The following GSK3B variants were observed in gnomAD, a reference collection of about 807,000 sequenced individuals.
GSK3B encodes the protein glycogen synthase kinase 3 beta.
GSK3B carries 15 observed loss-of-function variants against 56.4 expected under a neutral mutation model. That is an observed-to-expected ratio of 0.27 (90% CI 0.18 to 0.41). The LOEUF is 0.41. GSK3B is among the 10% of genes least tolerant of loss of function. The pLI is 1.00. For missense variants in GSK3B, 300 were observed against 513.4 expected, an observed-to-expected ratio of 0.58 and a Z score of 4.02; for synonymous variants, 181 against 188.9, an observed-to-expected ratio of 0.96 and a Z score of 0.34.
intron 10 of GSK3B, among the ~76,000 whole-genome samples, chr3:119,829,903 TATAA>T (rs1372105432): frequency 6.6e-6 from 1 of 152,354 alleles, no homozygotes; most frequent in African/African-American, 2.4e-5. Flanking sequence ...TTATTTTGAT[TATAA>T]ATATCTTTGA....
chr3:119,887,358 A>T (rs1576175309), intron 7 of GSK3B, among the ~76,000 whole-genome samples: 1 of 152,156 alleles, frequency 6.6e-6, no homozygotes, highest in East Asian at 1.9e-4. Context: ...ATCAAAAGTC[A>T]GTCAACAGAC....
intron 1 of GSK3B, among the ~76,000 whole-genome samples, chr3:120,050,831 T>C (rs1331737083): frequency 6.6e-6 from 1 of 152,204 alleles, no homozygotes; most frequent in Non-Finnish European, 1.5e-5. Context: ...AGAATTAATA[T>C]CTAGTTTTTC....
intron 2 of GSK3B, among the ~76,000 whole-genome samples, chr3:120,001,794 C>G (rs1429394302): frequency 6.6e-6 from 1 of 152,104 alleles, no homozygotes; most frequent in Non-Finnish European, 1.5e-5. Context: ...TTTAACTTAC[C>G]TTTCACAGGA....
chr3:120,029,270 T>C lies in GSK3B; in HGVS notation c.89-27031A>G, dbSNP rs2057955443. ...TATCACAGCTGCAAATGAATGTCTT[T>C]GTATTCTGTTTATAGAGAGTACCTT... is the stretch of plus-strand genomic sequence containing the variant. On this transcript the variant is annotated intron_variant, in intron 1 of 10. Coordinates refer to ENST00000264235, the MANE Select transcript of GSK3B (RefSeq NM_001146156.2). The C allele has an allele frequency of 6.8e-6, 5 of 732,384 alleles. No homozygotes were observed. The Admixed American group carries it at 9.0e-5, about 13-fold the overall frequency. 45.4% of individuals were successfully genotyped at this position (732,384 alleles called of 1,614,324 possible).
intron 9 of GSK3B, among the ~76,000 whole-genome samples, chr3:119,857,711 T>C (rs754254311): frequency 2.6e-5 from 4 of 152,246 alleles, no homozygotes; most frequent in Non-Finnish European, 5.9e-5. Flanking sequence ...ATGTTCCGAA[T>C]GACATCTAGA....
intron 1 of GSK3B, among the ~76,000 whole-genome samples, chr3:120,075,633 G>T (rs753499644): frequency 1.1e-4 from 16 of 152,026 alleles, no homozygotes; most frequent in African/African-American, 2.4e-5. Context: ...CCCCATTTGT[G>T]TTAGTATCAA....
Position 119,927,920 on chromosome 3 carries a change from A to G in GSK3B, c.367-4437T>C, listed in dbSNP as rs77915953. Among the ~76,000 whole-genome samples, 215 of 152,356 alleles carry G rather than the reference A, an allele frequency of 1.4e-3. 1 individual carries two copies. The highest frequency in any genetic ancestry group is 8.5e-3 in the East Asian group (44 of 5,184). On this transcript the variant is annotated intron_variant, in intron 3 of 10. Coordinates refer to ENST00000264235, the MANE Select transcript of GSK3B (RefSeq NM_001146156.2). ...TCGACAATTCAAAGTGGAAATTTCT[A>G]TAAGGGTGAGAGGTGAAACTGTGAA...
chr3:119,945,972 A>G (rs2057096045), intron 3 of GSK3B, among the ~76,000 whole-genome samples: 6 of 152,116 alleles, frequency 3.9e-5, no homozygotes. Flanking sequence ...AAGCAAACAC[A>G]TGCCAAAACA....
intron 4 of GSK3B, among the ~76,000 whole-genome samples, chr3:119,922,003 C>T (rs949218127): frequency 1.6e-4 from 25 of 151,742 alleles, no homozygotes; most frequent in African/African-American, 5.6e-4. Flanking sequence ...TGGGCATGGT[C>T]GCGTGTGCCT....
rs115723352 is a variant in GSK3B at position 119,857,883 on chromosome 3, G to A, written c.1096+5536C>T. The stretch of plus-strand genomic sequence containing the variant: ...TCCATGGGCTGCAGAAATGGATGCT[G>A]TGTCAGTAGGCATGAAAACAACATT... On this transcript the variant is annotated intron_variant, in intron 9 of 10. Transcript: ENST00000264235. Among the ~76,000 whole-genome samples, 419 of 152,314 alleles carry A rather than the reference G, an allele frequency of 2.8e-3. 1 individual carries two copies. Among genetic ancestry groups the A allele is most frequent in the Non-Finnish European group, 4.5e-3 (305 of 68,038 alleles).
At chr3:119,844,577 T>C (rs1158325322) in intron 9 of GSK3B, among the ~76,000 whole-genome samples, 1 of 152,140 alleles carries the variant, frequency 6.6e-6, no homozygotes, top group Admixed American at 6.5e-5. Context: ...CTAGAAAATC[T>C]AGAAGAAATG....
chr3:119,834,316 T>C (rs2108002105), intron 10 of GSK3B, among the ~76,000 whole-genome samples: 1 of 152,326 alleles, frequency 6.6e-6, no homozygotes, highest in South Asian at 2.1e-4. Context: ...AATCAAAGTA[T>C]ACCCTAAACT....
At position 120,094,188 on chromosome 3, in the gene GSK3B, A is replaced by G. The variant is rs890962863; in HGVS notation, c.-754T>C. The G allele has an allele frequency of 1.8e-5, 4 of 226,628 alleles. No homozygotes were observed. The highest frequency in any genetic ancestry group is 3.5e-5 in the Non-Finnish European group (4 of 112,984). 14.0% of individuals were successfully genotyped at this position (226,628 alleles called of 1,614,324 possible). ...CGACTGTTCCCCATTCGCCGGGGAC[A>G]TGGGAACCCGGCAACCGCTTCCGTC... On this transcript the variant is annotated 5_prime_UTR_variant, in exon 1 of 11. It removes an upstream start codon present in the reference 5' UTR. Coordinates refer to ENST00000264235, the MANE Select transcript of GSK3B (RefSeq NM_001146156.2).
At chr3:119,952,527 A>G (rs1325098475) in intron 2 of GSK3B, among the ~76,000 whole-genome samples, 1 of 151,422 alleles carries the variant, frequency 6.6e-6, no homozygotes, top group Admixed American at 6.6e-5. Flanking sequence ...AGAAAAAAAA[A>G]TTATCAATGA....
chr3:119,860,849 CTTTAT>C (rs2056092558), intron 9 of GSK3B, among the ~76,000 whole-genome samples: 1 of 152,106 alleles, frequency 6.6e-6, no homozygotes, highest in South Asian at 2.1e-4. Flanking sequence ...ACTATATGTA[CTTTAT>C]TTTATTTGGG....
At chr3:120,081,929 G>A (rs2058422971) in intron 1 of GSK3B, among the ~76,000 whole-genome samples, 1 of 152,184 alleles carries the variant, frequency 6.6e-6, no homozygotes, top group Admixed American at 6.5e-5. Flanking sequence ...GGTGGCATTT[G>A]AGACTGAAAG....
intron 2 of GSK3B, among the ~76,000 whole-genome samples, chr3:119,999,324 T>G (rs1436656004): frequency 6.6e-6 from 1 of 152,168 alleles, no homozygotes; most frequent in African/African-American, 2.4e-5. Context: ...GGATAAAATG[T>G]GGTAAGGCAC....
intron 9 of GSK3B, among the ~76,000 whole-genome samples, chr3:119,853,884 CCT>C (rs146997892): frequency 0.033 from 5,057 of 152,206 alleles, 265 homozygotes; most frequent in African/African-American, 0.11. Flanking sequence ...ATTTTGACCC[CCT>C]GTTTTCCTAA....
intron 3 of GSK3B, among the ~76,000 whole-genome samples, chr3:119,928,604 CAAAAAAATAAAAAA>C (rs1292074065): frequency 0.05 from 1,422 of 28,568 alleles, 10 homozygotes; most frequent in African/African-American, 0.14. Context: ...GACTCCATAT[CAAAAAAATAAAAAA>C]AAAAAAAAAA....
Sources: allele counts gnomAD v4.1 joint callset (sites outside exome capture counted in the v4.1 genomes callset), GRCh38; gene constraint gnomAD v4.1.1; transcripts MANE v1.5; gene names NCBI Gene and HGNC (gene_info 2026-07-23, HGNC 2026-07-21).